TRIB2: variants seen among roughly 807,000 people sequenced by gnomAD.
TRIB2 encodes tribbles homolog 2.
A neutral mutation model predicts 26.8 loss-of-function variants in TRIB2; 2 were observed. The observed-to-expected ratio is 0.07, with a 90% CI of 0.03 to 0.24. TRIB2 has a LOEUF of 0.24. Ranked by LOEUF, TRIB2 falls within the 10% of genes least tolerant of loss-of-function variation. TRIB2 has a pLI of 1.00. For synonymous variants in TRIB2, 189 were observed against 187.3 expected (o/e 1.01, Z -0.08); for missense variants, 306 against 449.0 (o/e 0.68, Z 2.88).
In TRIB2 at chr2:12,718,542, G is replaced by A. The variant is rs547834107; in HGVS notation, c.235G>A (p.Val79Met). Residue 79 changes from valine to methionine, a missense_variant, in exon 1 of 3, where the codon GTG becomes ATG. By Grantham distance (21) the Val-to-Met change is conservative. This residue lies in a region of TRIB2 where 99 missense variants were observed against 106.5 expected (regional missense o/e 0.93). Coordinates refer to ENST00000155926, the MANE Select transcript of TRIB2 (RefSeq NM_021643.4). This position sits in a 1 kb window ranked among gnomAD's most constrained non-coding sequence, Gnocchi z 4.0. ...GGAGGGAGACCACGTTTTTCGTGCC[G>A]TGCATCTGCACAGCGGAGAGGAGCT... is the stretch of plus-strand genomic sequence containing the variant. ...PLEGDHVFRA[V>M]HLHSGEELVC... The A allele has an allele frequency of 1.2e-6, 2 of 1,614,146 alleles. No individual in the cohort carries two copies. Among genetic ancestry groups the A allele is most frequent in the East Asian group, 2.2e-5 (1 of 44,874 alleles).
intron 2 of TRIB2, among the ~76,000 whole-genome samples, chr2:12,724,080 G>A (rs1176711451): frequency 6.6e-6 from 1 of 152,206 alleles, no homozygotes. Flanking sequence ...TCCGTGCTGG[G>A]TGGGATGAGA....
intron 2 of TRIB2, among the ~76,000 whole-genome samples, chr2:12,727,685 T>C (rs908356142): frequency 7.2e-5 from 11 of 152,152 alleles, no homozygotes; most frequent in African/African-American, 2.7e-4. Flanking sequence ...GGGCAGAGCC[T>C]GGTTCTTTTT....
At chr2:12,721,979 A>G (rs1297718543) in intron 1 of TRIB2, among the ~76,000 whole-genome samples, 1 of 152,182 alleles carries the variant, frequency 6.6e-6, no homozygotes, top group Non-Finnish European at 1.5e-5. Flanking sequence ...AGCTTTTATC[A>G]GATTTTATGT....
chr2:12,738,292 A>G (rs1163381599), intron 2 of TRIB2, among the ~76,000 whole-genome samples: 2 of 152,198 alleles, frequency 1.3e-5, no homozygotes, highest in African/African-American at 4.8e-5. Flanking sequence ...GCTCTGACTT[A>G]TGACCCAATG....
At chr2:12,726,045 G>T (rs571815278) in intron 2 of TRIB2, among the ~76,000 whole-genome samples, 2 of 152,332 alleles carry the variant, frequency 1.3e-5, no homozygotes, top group South Asian at 4.1e-4. Context: ...TCATTCCATC[G>T]AGAGCTCTTC....
In TRIB2 at chr2:12,740,417, G is replaced by A. The variant is rs925303861; in HGVS notation, c.655G>A (p.Val219Ile). Residue 219 changes from valine (V) to isoleucine (I), a missense_variant, in exon 3 of 3, where the codon GTA (valine) becomes ATA (isoleucine). This residue lies in a region of TRIB2 where 118 missense variants were observed against 188.8 expected (regional missense o/e 0.63). Transcript: ENST00000155926. This position sits in a 1 kb window ranked among gnomAD's most constrained non-coding sequence, Gnocchi z 5.8. ...CGACAAGCATGGCTGCCCGGCTTAC[G>A]TAAGCCCAGAGATCTTGAACACCAG... Reference protein sequence around the residue: ...LSDKHGCPAYVSPEILNTSGS... With the variant: ...LSDKHGCPAYISPEILNTSGS... The A allele has an allele frequency of 3.2e-5, 52 of 1,614,028 alleles. No individual in the cohort carries two copies. Among genetic ancestry groups the A allele is most frequent in the Non-Finnish European group, 4.2e-5 (49 of 1,180,044 alleles).
rs923886122 is a variant in TRIB2 at position 12,718,795 on chromosome 2, C to T, written c.270+218C>T. ...GGCAGTGGGGGCGTTTCGGGGAGAG[C>T]CCGGGGAGGAGAGGGCGGCGGGACT... On this transcript the variant is annotated intron_variant, in intron 1 of 2. Coordinates refer to ENST00000155926, the MANE Select transcript of TRIB2 (RefSeq NM_021643.4). This position sits in a 1 kb window ranked among gnomAD's most constrained non-coding sequence, Gnocchi z 4.0. 1.3e-5 allele frequency among the ~76,000 whole-genome samples: 2 copies of T among 152,126 alleles called. No homozygotes were observed. Among genetic ancestry groups the T allele is most frequent in the Admixed American group, 1.3e-4 (2 of 15,280 alleles).
Position 12,723,544 on chromosome 2 carries a change from C to T in TRIB2, c.555C>T (p.Asp185=), listed in dbSNP as rs144779580. Residue 185 remains aspartate (D), a synonymous_variant, in exon 2 of 3, where the codon GAC becomes GAT. Coordinates refer to ENST00000155926, the MANE Select transcript of TRIB2 (RefSeq NM_021643.4). ...DLKLRKFIFK[D]EERTRVKLES... Reference sequence around the variant, plus strand: ...AGCTGCGGAAATTCATCTTTAAGGACGAAGAGAGGTAGGTCTCATCCTGTC... The same window carrying T: ...AGCTGCGGAAATTCATCTTTAAGGATGAAGAGAGGTAGGTCTCATCCTGTC... The T allele has an allele frequency of 1.2e-4, 196 of 1,613,634 alleles. 1 individual carries two copies. The South Asian group carries it at 1.5e-3, about 12-fold the overall frequency.
intron 2 of TRIB2, among the ~76,000 whole-genome samples, chr2:12,738,401 C>T (rs1250532935): frequency 6.6e-6 from 1 of 152,132 alleles, no homozygotes; most frequent in Non-Finnish European, 1.5e-5. Context: ...TGCATGTGTG[C>T]TTTTGAGATG....
intron 2 of TRIB2, among the ~76,000 whole-genome samples, chr2:12,724,262 G>A (rs1661288972): frequency 6.6e-6 from 1 of 152,226 alleles, no homozygotes. Flanking sequence ...TGGCAGTGCA[G>A]AGGTCTTGGT....
chr2:12,739,790 G>A (rs1446498580), intron 2 of TRIB2, among the ~76,000 whole-genome samples: 2 of 152,214 alleles, frequency 1.3e-5, no homozygotes, highest in Non-Finnish European at 2.9e-5. Context: ...AAAATGGGAT[G>A]TTAATATCCT....
intron 2 of TRIB2, 69 bp downstream of exon 2, chr2:12,723,621 T>G: frequency 1.3e-6 from 2 of 1,529,128 alleles, no homozygotes; most frequent in Non-Finnish European, 8.8e-7. Flanking sequence ...CCTAGAAAAG[T>G]CTTGAATGGA....
chr2:12,728,512 C>T (rs1351052457), intron 2 of TRIB2, among the ~76,000 whole-genome samples: 1 of 152,268 alleles, frequency 6.6e-6, no homozygotes, highest in Non-Finnish European at 1.5e-5. Context: ...CCTGCCATCC[C>T]TCTGCCACTC....
At chr2:12,719,348 C>A (rs1329999577) in intron 1 of TRIB2, among the ~76,000 whole-genome samples, 1 of 152,064 alleles carries the variant, frequency 6.6e-6, no homozygotes, top group East Asian at 1.9e-4. Context: ...AGTGGTAATA[C>A]CACTGCGATG....
rs576439686 is a variant in TRIB2 at position 12,721,932 on chromosome 2, C to G, written c.271-1328C>G. 1.1e-4 allele frequency among the ~76,000 whole-genome samples: 17 copies of G among 152,262 alleles called. No homozygotes were observed. The South Asian group carries it at 3.5e-3, about 32-fold the overall frequency. On this transcript the variant is annotated intron_variant, in intron 1 of 2. Coordinates refer to ENST00000155926, the MANE Select transcript of TRIB2 (RefSeq NM_021643.4). ...TAAAATGAATCCGGTATCGTGCATG[C>G]ATTTGAGAACGGGCATTGTCAGCTA...
In TRIB2 at chr2:12,740,234, T is replaced by G. The variant is rs571697465; in HGVS notation, c.564-92T>G. Reference sequence around the variant, plus strand: ...AATGAATGAATGTGAATGAGGAGTCTTCAGAAACACTATAGTCGGTTATGT... The same window carrying G: ...AATGAATGAATGTGAATGAGGAGTCGTCAGAAACACTATAGTCGGTTATGT... On this transcript the variant is annotated intron_variant, in intron 2 of 2. Transcript: ENST00000155926. The surrounding 1 kb of genome is among the most constrained non-coding windows in gnomAD (Gnocchi z 5.8). 2.4e-6 allele frequency: 3 copies of G among 1,262,300 alleles called. No individual in the cohort carries two copies. The South Asian group carries it at 4.2e-5, about 18-fold the overall frequency. The allele number at this position is 1,262,300 out of a possible 1,614,324, so 78.2% of individuals were successfully genotyped here. A position where few individuals can be genotyped will look rare whatever the true frequency, so the allele number is the denominator to read the frequency against.
chr2:12,717,471 C>A lies in TRIB2; in HGVS notation c.-837C>A, dbSNP rs1460405399. 1.8e-5 allele frequency: 7 copies of A among 398,370 alleles called. No homozygotes were observed. The highest frequency in any genetic ancestry group is 1.3e-4 in the Admixed American group (3 of 22,718). 24.7% of individuals were successfully genotyped at this position (398,370 alleles called of 1,614,324 possible). On this transcript the variant is annotated 5_prime_UTR_variant, in exon 1 of 3. Coordinates refer to ENST00000155926, the MANE Select transcript of TRIB2 (RefSeq NM_021643.4). This position sits in a 1 kb window ranked among gnomAD's most constrained non-coding sequence, Gnocchi z 4.8. ...CGGCGACAGCATGAGCCTGTGCTGACCTCCGCGCGGCGGGCCGAGCCCAGG... is the reference window on the plus strand; with the variant it reads ...CGGCGACAGCATGAGCCTGTGCTGAACTCCGCGCGGCGGGCCGAGCCCAGG...
At chr2:12,720,471 G>C (rs1661183943) in intron 1 of TRIB2, among the ~76,000 whole-genome samples, 1 of 152,202 alleles carries the variant, frequency 6.6e-6, no homozygotes, top group Non-Finnish European at 1.5e-5. Context: ...TCTTATGCAA[G>C]CATAGTTGTG....
In TRIB2 at chr2:12,717,679, T is replaced by G. The variant is rs966447796; in HGVS notation, c.-629T>G. On this transcript the variant is annotated 5_prime_UTR_variant, in exon 1 of 3. Transcript: ENST00000155926. This position sits in a 1 kb window ranked among gnomAD's most constrained non-coding sequence, Gnocchi z 4.8. ...GAAAAGCCTCAGACGCCATCTACAGTTAAAACGTAGGTAACTGCCCTCTCC... is the reference window on the plus strand; with the variant it reads ...GAAAAGCCTCAGACGCCATCTACAGGTAAAACGTAGGTAACTGCCCTCTCC... 5 of 392,540 alleles carry G rather than the reference T, an allele frequency of 1.3e-5. No homozygotes were observed. The highest frequency in any genetic ancestry group is 2.2e-5 in the Non-Finnish European group (5 of 222,816). The allele number at this position is 392,540 out of a possible 1,614,324, so 24.3% of individuals were successfully genotyped here.
Sources: gnomAD v4.1 joint callset for allele counts (sites outside exome capture counted in the v4.1 genomes callset) on GRCh38, gnomAD v4.1.1 for gene constraint, gnomAD v4.1.1 regional missense constraint, Gnocchi (gnomAD v3.1) non-coding constraint, MANE v1.5 for transcripts, NCBI Gene and HGNC (gene_info 2026-07-23, HGNC 2026-07-21) for gene names.